TRAF3: variants seen among roughly 807,000 people sequenced by gnomAD.
TRAF3 encodes TNF receptor associated factor 3.
In TRAF3, 13 loss-of-function variants were observed where a neutral mutation model predicts 62.3. The observed-to-expected ratio is 0.21, with a 90% CI of 0.14 to 0.33. The LOEUF is 0.33. TRAF3 is among the 10% of genes least tolerant of loss of function. The pLI is 1.00. For missense variants in TRAF3, 440 were observed against 741.8 expected, an observed-to-expected ratio of 0.59 and a Z score of 4.73; for synonymous variants, 269 against 283.4, an observed-to-expected ratio of 0.95 and a Z score of 0.51.
intron 2 of TRAF3, among the ~76,000 whole-genome samples, chr14:102,841,089 C>T (rs1382511978): frequency 3.9e-5 from 6 of 152,150 alleles, no homozygotes; most frequent in African/African-American, 1.4e-4. Context: ...ACACAAACAG[C>T]CTTAGTTTGT....
intron 4 of TRAF3, 33 bp from the exon 5 acceptor site, chr14:102,875,591 T>G (rs764849262): frequency 1.9e-6 from 3 of 1,586,964 alleles, no homozygotes; most frequent in South Asian, 2.2e-5. Context: ...TAAGAAATAT[T>G]AATCCTCCAA....
chr14:102,870,379 C>T lies in TRAF3; in HGVS notation c.178C>T (p.Leu60=). The T allele has an allele frequency of 6.2e-7, 1 of 1,614,230 alleles. No homozygotes were observed. The highest frequency in any genetic ancestry group is 8.5e-7 in the Non-Finnish European group (1 of 1,180,032). The change falls in exon 3 of 12, where the codon CTG becomes TTG. Residue 60 remains leucine (L), a synonymous_variant. Coordinates refer to ENST00000392745, the MANE Select transcript of TRAF3 (RefSeq NM_145725.3). ...KYKCEKCHLV[L]CSPKQTECGH... ...CAAGTGTGAGAAGTGCCACCTGGTG[C>T]TGTGCAGCCCGAAGCAGACCGAGTG...
chr14:102,799,728 G>C (rs1236032235), intron 1 of TRAF3, among the ~76,000 whole-genome samples: 4 of 152,168 alleles, frequency 2.6e-5, no homozygotes, highest in Admixed American at 1.3e-4. Context: ...GGAATTACAG[G>C]CTGAGCCACT....
rs1888800336 is a variant in TRAF3, at chr14:102,877,821, A to G, written c.570+1296A>G. Among the ~76,000 whole-genome samples the G allele has an allele frequency of 2.1e-5, 3 of 145,092 alleles. No homozygotes were observed. The South Asian group carries it at 6.6e-4, about 32-fold the overall frequency. On this transcript the variant is annotated intron_variant, in intron 6 of 11. Transcript: ENST00000392745. ...AGGCCTTCCGCTCAGCTCATAGGTA[A>G]TCCCTTCCGCAGGCCCTCCCTCAAC...
chr14:102,827,955 C>T lies in TRAF3; in HGVS notation c.-156-2379C>T, dbSNP rs373903371. Among the ~76,000 whole-genome samples the T allele has an allele frequency of 6.1e-4, 93 of 152,342 alleles. 1 individual carries two copies. The Middle Eastern group carries it at 0.017, about 28-fold the overall frequency. ...ATTCCCAGGAGCCCCTCAGCAGGGG[C>T]TTTGAGTCTGGTGCTAAGCAGCAGA... On this transcript the variant is annotated intron_variant, in intron 1 of 11. Coordinates refer to ENST00000392745, the MANE Select transcript of TRAF3 (RefSeq NM_145725.3).
chr14:102,886,118 T>C, intron 6 of TRAF3, 71 bp from the exon 7 acceptor site: 1 of 1,520,216 alleles, frequency 6.6e-7, no homozygotes. Context: ...GGGGGCCCCA[T>C]GGGGATCTCA....
chr14:102,812,851 G>A (rs1461549882), intron 1 of TRAF3, among the ~76,000 whole-genome samples: 1 of 151,870 alleles, frequency 6.6e-6, no homozygotes, highest in Non-Finnish European at 1.5e-5. Flanking sequence ...CCCAGGAGGC[G>A]GAGCTTGCAG....
At position 102,889,584 on chromosome 14, in the gene TRAF3, G is replaced by A; in HGVS notation, c.676G>A (p.Val226Ile). ...GTTGAGTGCACACTTGTCAGAGTGTGTCAATGCCCCCAGCACCTGTAGTTT... is the reference window on the plus strand; with the variant it reads ...GTTGAGTGCACACTTGTCAGAGTGTATCAATGCCCCCAGCACCTGTAGTTT... The part of the protein sequence containing the change: ...SELSAHLSEC[V>I]NAPSTCSFKR... Residue 226 changes from valine to isoleucine, a missense_variant, in exon 8 of 12, where the codon GTC becomes ATC. Val to Ile is a conservative substitution (Grantham distance 29). Around this residue, in one of 6 missense-constraint regions of TRAF3, gnomAD observed 255 missense variants for 424.1 expected, o/e 0.60. Coordinates refer to ENST00000392745, the MANE Select transcript of TRAF3 (RefSeq NM_145725.3). 1.2e-6 allele frequency: 2 copies of A among 1,614,242 alleles called. No individual in the cohort carries two copies. The highest frequency in any genetic ancestry group is 1.1e-5 in the South Asian group (1 of 91,090).
chr14:102,897,529 T>C, intron 10 of TRAF3, 128 bp downstream of exon 10: 1 of 1,281,604 alleles, frequency 7.8e-7, no homozygotes, highest in Non-Finnish European at 1.1e-6. Flanking sequence ...AACTGATTTC[T>C]CTGGCCTAAG....
chr14:102,820,481 A>G (rs1899830677), intron 1 of TRAF3, among the ~76,000 whole-genome samples: 1 of 149,020 alleles, frequency 6.7e-6, no homozygotes, highest in South Asian at 2.1e-4. Flanking sequence ...TATAATGAGT[A>G]TAGTTTTATT....
chr14:102,848,120 C>T (rs576203952), intron 2 of TRAF3, among the ~76,000 whole-genome samples: 10 of 152,284 alleles, frequency 6.6e-5, no homozygotes, highest in Admixed American at 5.9e-4. Flanking sequence ...ACTATTTGCT[C>T]CTTAACATCT....
intron 2 of TRAF3, among the ~76,000 whole-genome samples, chr14:102,861,085 A>G (rs922884649): frequency 7.9e-5 from 12 of 152,250 alleles, no homozygotes; most frequent in African/African-American, 2.9e-4. Context: ...GGCCAGAGAA[A>G]GACCCGCCCA....
chr14:102,804,143 T>C (rs1448732374), intron 1 of TRAF3, among the ~76,000 whole-genome samples: 2 of 152,000 alleles, frequency 1.3e-5, no homozygotes, highest in South Asian at 2.1e-4. Flanking sequence ...TGAGCCATGA[T>C]TGGGCCACTG....
intron 1 of TRAF3, among the ~76,000 whole-genome samples, chr14:102,829,763 C>T (rs879822376): frequency 2.0e-5 from 3 of 152,126 alleles, no homozygotes; most frequent in Non-Finnish European, 4.4e-5. Context: ...TTTAAAATGT[C>T]AAGCTTGTGA....
At chr14:102,800,361 C>T (rs1214780371) in intron 1 of TRAF3, among the ~76,000 whole-genome samples, 1 of 152,182 alleles carries the variant, frequency 6.6e-6, no homozygotes, top group Non-Finnish European at 1.5e-5. Context: ...TCATTGCGTT[C>T]ATTTAAGTGT....
chr14:102,897,419 A>T lies in TRAF3; in HGVS notation c.960+18A>T. Reference sequence around the variant, plus strand: ...ATTTACAGGTAAGAATCTTAGGACTACGGCCAGATCAAAGGGTGGAGGAGC... The same window carrying T: ...ATTTACAGGTAAGAATCTTAGGACTTCGGCCAGATCAAAGGGTGGAGGAGC... On this transcript the variant is annotated intron_variant, in intron 10 of 11. Transcript: ENST00000392745. 6.2e-7 allele frequency: 1 copy of T among 1,612,836 alleles called. No individual in the cohort carries two copies. Among genetic ancestry groups the T allele is most frequent in the Non-Finnish European group, 8.5e-7 (1 of 1,179,320 alleles).
At chr14:102,811,427 G>C (rs1899130940) in intron 1 of TRAF3, among the ~76,000 whole-genome samples, 1 of 151,776 alleles carries the variant, frequency 6.6e-6, no homozygotes, top group African/African-American at 2.4e-5. Context: ...CTGGGCTTAA[G>C]CAGTTTTCGC....
At chr14:102,856,097 CAAAAAA>C (rs3070340) in intron 2 of TRAF3, among the ~76,000 whole-genome samples, 10 of 62,954 alleles carry the variant, frequency 1.6e-4, no homozygotes, top group Non-Finnish European at 2.3e-4. Context: ...CCCTGTCTCA[CAAAAAA>C]AAAAAAAAAA....
At chr14:102,784,689 G>A (rs1453311596) in intron 1 of TRAF3, among the ~76,000 whole-genome samples, 1 of 152,206 alleles carries the variant, frequency 6.6e-6, no homozygotes, top group Non-Finnish European at 1.5e-5. Context: ...TGTGATGAAT[G>A]AGCCAGAAGA....
Sources: allele counts gnomAD v4.1 joint callset (sites outside exome capture counted in the v4.1 genomes callset), GRCh38; gene constraint gnomAD v4.1.1; regional missense constraint gnomAD v4.1.1; transcripts MANE v1.5; gene names NCBI Gene and HGNC (gene_info 2026-07-23, HGNC 2026-07-21).